The following PGS1 variants were observed in gnomAD, a reference collection of about 807,000 sequenced individuals.
PGS1 encodes CDP-diacylglycerol--glycerol-3-phosphate 3-phosphatidyltransferase, mitochondrial.
Under a neutral mutation model 58.3 loss-of-function variants are expected in PGS1, and 44 were observed. The observed-to-expected ratio is 0.75, with a 90% CI of 0.59 to 0.97. The LOEUF is 0.97. Ranked by LOEUF, PGS1 falls within the 50% of genes least tolerant of loss-of-function variation. PGS1 has a pLI of 0.00. For missense variants in PGS1, 684 were observed against 731.1 expected (o/e 0.94, Z 0.74); for synonymous variants, 330 against 311.0 (o/e 1.06, Z -0.64).
intron 3 of PGS1, 135 bp downstream of exon 3, chr17:78,396,520 GC>G (rs1198921803): frequency 1.8e-5 from 12 of 661,238 alleles, no homozygotes; most frequent in Non-Finnish European, 2.9e-5. Flanking sequence ...TGTTTTTGTT[GC>G]CCCAGATATG....
At chr17:78,384,270 C>G (rs971564245) in intron 1 of PGS1, among the ~76,000 whole-genome samples, 13 of 152,132 alleles carry the variant, frequency 8.5e-5, no homozygotes, top group African/African-American at 3.1e-4. Context: ...CTACGGGAAT[C>G]CACACTCATT....
intron 6 of PGS1, among the ~76,000 whole-genome samples, chr17:78,401,770 T>C (rs1341188348): frequency 6.6e-6 from 1 of 152,254 alleles, no homozygotes; most frequent in Non-Finnish European, 1.5e-5. Flanking sequence ...GAATTTCATC[T>C]GTAAAGAGCT....
At chr17:78,416,461 T>C (rs1482392827) in intron 8 of PGS1, among the ~76,000 whole-genome samples, 3 of 152,220 alleles carry the variant, frequency 2.0e-5, no homozygotes, top group Non-Finnish European at 4.4e-5. Context: ...GGATGGGTTC[T>C]GCGTGGATCT....
chr17:78,420,061 G>A lies in PGS1; in HGVS notation c.*10+386G>A, dbSNP rs1224220018. The A allele has an allele frequency of 2.6e-5, 28 of 1,069,394 alleles. 1 individual carries two copies. Among genetic ancestry groups the A allele is most frequent in the South Asian group, 1.4e-4 (5 of 36,196 alleles). 66.2% of individuals were successfully genotyped at this position (1,069,394 alleles called of 1,614,324 possible). On this transcript the variant is annotated intron_variant, in intron 9 of 9. Coordinates refer to ENST00000262764, the MANE Select transcript of PGS1 (RefSeq NM_024419.5). ...AGCTGAGCACACTGGTGCAGGAGATGTAGACGTGGGAGGAGGGGAGCACGT... is the reference window on the plus strand; with the variant it reads ...AGCTGAGCACACTGGTGCAGGAGATATAGACGTGGGAGGAGGGGAGCACGT...
chr17:78,406,745 G>A (rs540120466), intron 7 of PGS1, among the ~76,000 whole-genome samples: 4 of 151,890 alleles, frequency 2.6e-5, no homozygotes, highest in Non-Finnish European at 5.9e-5. Flanking sequence ...CAGTGGGGCA[G>A]CTTTGACCTT....
intron 1 of PGS1, among the ~76,000 whole-genome samples, chr17:78,387,905 T>G (rs1206018804): frequency 6.6e-6 from 1 of 152,182 alleles, no homozygotes; most frequent in Non-Finnish European, 1.5e-5. Flanking sequence ...GCCATTTAGT[T>G]TTTTTGAGTG....
intron 7 of PGS1, among the ~76,000 whole-genome samples, chr17:78,405,602 C>G (rs1046816516): frequency 1.3e-5 from 2 of 152,310 alleles, no homozygotes; most frequent in South Asian, 4.1e-4. Flanking sequence ...TGCTGGAAAC[C>G]CTGTGCTTAG....
intron 7 of PGS1, among the ~76,000 whole-genome samples, chr17:78,410,654 A>G (rs1238985601): frequency 6.6e-6 from 1 of 151,626 alleles, no homozygotes; most frequent in Non-Finnish European, 1.5e-5. Context: ...TTGTATTTTT[A>G]GTAGAGATGG....
intron 1 of PGS1, among the ~76,000 whole-genome samples, chr17:78,387,224 G>A (rs993636971): frequency 5.3e-5 from 8 of 151,792 alleles, no homozygotes; most frequent in Non-Finnish European, 1.2e-4. Context: ...GGCTGGTCTC[G>A]ATCTCCTGGC....
At chr17:78,381,377 A>G (rs9900564) in intron 1 of PGS1, among the ~76,000 whole-genome samples, 60,479 of 152,026 alleles carry the variant, frequency 0.4, 12,807 homozygotes, top group African/African-American at 0.55. Flanking sequence ...AATAATGCCT[A>G]TGGTAGGACT....
At chr17:78,385,027 C>T (rs2082281905) in intron 1 of PGS1, among the ~76,000 whole-genome samples, 1 of 152,254 alleles carries the variant, frequency 6.6e-6, no homozygotes, top group Non-Finnish European at 1.5e-5. Flanking sequence ...CAGTGTTTTC[C>T]ATGAAGCAGA....
intron 9 of PGS1, 178 bp downstream of exon 9, chr17:78,419,853 A>G (rs1179933037): frequency 1.5e-6 from 2 of 1,375,594 alleles, no homozygotes; most frequent in Non-Finnish European, 9.5e-7. Flanking sequence ...GCTGGATGCT[A>G]AATTAGGCAG....
chr17:78,423,586 G>T, intron 9 of PGS1: 1 of 337,496 alleles, frequency 3.0e-6, no homozygotes, highest in Admixed American at 4.0e-5. Context: ...GTCAGGATTT[G>T]GGATTTACTT....
chr17:78,410,628 A>C (rs983719990), intron 7 of PGS1, among the ~76,000 whole-genome samples: 1 of 151,716 alleles, frequency 6.6e-6, no homozygotes, highest in Non-Finnish European at 1.5e-5. Flanking sequence ...CACGCACCAG[A>C]ATGCCCAGCT....
In PGS1 at chr17:78,400,453, C is replaced by T. The variant is rs986787859; in HGVS notation, c.702-224C>T. 2.0e-5 allele frequency among the ~76,000 whole-genome samples: 3 copies of T among 152,060 alleles called. No individual in the cohort carries two copies. The highest frequency in any genetic ancestry group is 4.2e-4 in the South Asian group (2 of 4,798). ...CATCTCCTCTTCTCAGCTACACTGT[C>T]GGCTCCTTGAGAGGAGGAGGCTGTG... On this transcript the variant is annotated intron_variant, in intron 5 of 9. Coordinates refer to ENST00000262764, the MANE Select transcript of PGS1 (RefSeq NM_024419.5). The surrounding 1 kb of genome is among the most constrained non-coding windows in gnomAD (Gnocchi z 4.4).
chr17:78,415,388 T>C (rs1332501590), intron 8 of PGS1, among the ~76,000 whole-genome samples: 1 of 152,106 alleles, frequency 6.6e-6, no homozygotes, highest in African/African-American at 2.4e-5. Context: ...CCCAGCACTT[T>C]GGGAGGTCGA....
intron 7 of PGS1, among the ~76,000 whole-genome samples, chr17:78,405,384 A>G (rs574015013): frequency 6.6e-6 from 1 of 151,986 alleles, no homozygotes; most frequent in South Asian, 2.1e-4. Context: ...TTTCCTCACT[A>G]TTGCTATTGT....
chr17:78,414,105 C>T (rs2084962930), intron 7 of PGS1, among the ~76,000 whole-genome samples: 1 of 152,198 alleles, frequency 6.6e-6, no homozygotes, highest in Non-Finnish European at 1.5e-5. Context: ...TGGCAGAGGT[C>T]CCAGGCCTGG....
At chr17:78,401,737 C>T (rs999958107) in intron 6 of PGS1, among the ~76,000 whole-genome samples, 6 of 152,206 alleles carry the variant, frequency 3.9e-5, no homozygotes, top group African/African-American at 1.2e-4. Flanking sequence ...TGCCGCCATG[C>T]ACTGTTCCTA....
Sources: gnomAD v4.1 joint callset for allele counts (sites outside exome capture counted in the v4.1 genomes callset) on GRCh38, gnomAD v4.1.1 for gene constraint, Gnocchi (gnomAD v3.1) non-coding constraint, MANE v1.5 for transcripts, NCBI Gene and HGNC (gene_info 2026-07-23, HGNC 2026-07-21) for gene names.